ZCCHC7: variants seen among roughly 807,000 people sequenced by gnomAD.
ZCCHC7 encodes the protein zinc finger CCHC-type containing 7, also known as zinc finger CCHC domain-containing protein 7.
ZCCHC7 carries 35 observed loss-of-function variants against 52.0 expected under a neutral mutation model. That is an observed-to-expected ratio of 0.67 (90% confidence interval 0.51 to 0.89). The LOEUF is 0.89. Among genes scored for constraint, ZCCHC7 ranks in the 40% least tolerant of loss-of-function variants. The pLI is 0.00. For missense variants in ZCCHC7, 574 were observed against 649.1 expected (o/e 0.88, Z 1.26); for synonymous variants, 217 against 221.5 (o/e 0.98, Z 0.18).
intron 2 of ZCCHC7, among the ~76,000 whole-genome samples, chr9:37,223,521 G>A (rs897054151): frequency 6.6e-5 from 10 of 152,080 alleles, no homozygotes; most frequent in African/African-American, 2.4e-4. Context: ...TTACTTAAAG[G>A]GTAGTTTCTC....
Position 37,172,482 on chromosome 9 carries a change from C to A in ZCCHC7, c.610+45540C>A, listed in dbSNP as rs561102543. Among the ~76,000 whole-genome samples, 26 of 152,272 alleles carry A rather than the reference C, an allele frequency of 1.7e-4. No homozygotes were observed. The South Asian group carries it at 5.4e-3, about 32-fold the overall frequency. Reference sequence around the variant, plus strand: ...GAGTGTGCAAAATAATATTTATGGACCATTCATAGATAAGTTATTTTTAAA... The same window carrying A: ...GAGTGTGCAAAATAATATTTATGGAACATTCATAGATAAGTTATTTTTAAA... On this transcript the variant is annotated intron_variant, in intron 2 of 8. Transcript: ENST00000336755.
At chr9:37,182,222 A>C (rs939083322) in intron 2 of ZCCHC7, among the ~76,000 whole-genome samples, 11 of 152,236 alleles carry the variant, frequency 7.2e-5, no homozygotes, top group African/African-American at 2.7e-4. Flanking sequence ...TACAGTTGTC[A>C]GTCTTGTCTT....
intron 1 of ZCCHC7, 85 bp downstream of exon 1, chr9:37,120,708 A>G (rs937620434): frequency 2.2e-5 from 8 of 370,508 alleles, no homozygotes; most frequent in Non-Finnish European, 4.8e-6. Context: ...CTGTGGAACT[A>G]GCGCGTGCCC....
intron 2 of ZCCHC7, among the ~76,000 whole-genome samples, chr9:37,232,545 T>A (rs1825457211): frequency 6.6e-6 from 1 of 152,150 alleles, no homozygotes. Context: ...ATAGGCCAAA[T>A]CCAACCAATC....
intron 2 of ZCCHC7, among the ~76,000 whole-genome samples, chr9:37,245,914 G>C (rs1017456402): frequency 6.6e-6 from 1 of 152,084 alleles, no homozygotes; most frequent in Non-Finnish European, 1.5e-5. Flanking sequence ...AAAGGTAATG[G>C]AGAATAGTGA....
intron 2 of ZCCHC7, among the ~76,000 whole-genome samples, chr9:37,140,033 A>C (rs953665227): frequency 6.6e-6 from 1 of 151,944 alleles, no homozygotes; most frequent in African/African-American, 2.4e-5. Context: ...CCAGGTGAGG[A>C]ATTCAGGATT....
At chr9:37,124,771 C>T (rs1371453677) in intron 1 of ZCCHC7, among the ~76,000 whole-genome samples, 1 of 152,152 alleles carries the variant, frequency 6.6e-6, no homozygotes. Flanking sequence ...ATTCCCAAAG[C>T]TGGGAGTTTT....
rs559767265 is a variant in ZCCHC7, at chr9:37,214,793, A to G, written c.611-87395A>G. Among the ~76,000 whole-genome samples the G allele has an allele frequency of 5.3e-5, 8 of 152,186 alleles. No homozygotes were observed. In the South Asian group the frequency reaches 1.0e-3, roughly 20 times the overall value. On this transcript the variant is annotated intron_variant, in intron 2 of 8. Coordinates refer to ENST00000336755, the MANE Select transcript of ZCCHC7 (RefSeq NM_032226.3). ...ACAAATTAAAGGTGGAAGAGATACT[A>G]TTCTTCCTCAGCATTGGTAATAATG... is the stretch of plus-strand genomic sequence containing the variant.
At chr9:37,238,281 CA>C (rs1825739127) in intron 2 of ZCCHC7, among the ~76,000 whole-genome samples, 1 of 152,118 alleles carries the variant, frequency 6.6e-6, no homozygotes, top group Non-Finnish European at 1.5e-5. Context: ...CCACCTCATG[CA>C]AAGAGAAATG....
intron 2 of ZCCHC7, among the ~76,000 whole-genome samples, chr9:37,147,672 A>G (rs535831146): frequency 3.4e-4 from 51 of 152,188 alleles, no homozygotes; most frequent in African/African-American, 1.2e-3. Context: ...TGTCAATCAT[A>G]TTAGGAATAA....
intron 2 of ZCCHC7, among the ~76,000 whole-genome samples, chr9:37,159,322 C>A (rs1468311332): frequency 6.6e-6 from 1 of 152,022 alleles, no homozygotes; most frequent in African/African-American, 2.4e-5. Flanking sequence ...TATGTGGTTA[C>A]CTAACATGGC....
intron 2 of ZCCHC7, among the ~76,000 whole-genome samples, chr9:37,252,202 T>A (rs149196755): frequency 0.017 from 2,540 of 152,270 alleles, 35 homozygotes; most frequent in Non-Finnish European, 0.024. Flanking sequence ...CCCTAGTATA[T>A]CCCAAGATGG....
chr9:37,279,597 G>T (rs1182569837), intron 2 of ZCCHC7, among the ~76,000 whole-genome samples: 1 of 151,986 alleles, frequency 6.6e-6, no homozygotes, highest in African/African-American at 2.4e-5. Context: ...AGTGGCTTAT[G>T]CCTGTAATCC....
chr9:37,326,659 A>T (rs1419236145), intron 5 of ZCCHC7, among the ~76,000 whole-genome samples: 1 of 150,748 alleles, frequency 6.6e-6, no homozygotes, highest in South Asian at 2.1e-4. Context: ...TGGCATTCAA[A>T]TGTTTCTTAA....
chr9:37,348,928 C>T (rs1821188315), intron 6 of ZCCHC7, among the ~76,000 whole-genome samples: 1 of 152,208 alleles, frequency 6.6e-6, no homozygotes, highest in Non-Finnish European at 1.5e-5. Flanking sequence ...TTAAGTTTTA[C>T]ACCTGCAGGG....
chr9:37,130,334 CTTTTTTTTTTTTTTTTTT>C (rs34589957), intron 2 of ZCCHC7, among the ~76,000 whole-genome samples: 7 of 63,098 alleles, frequency 1.1e-4, no homozygotes, highest in African/African-American at 1.2e-4. Context: ...GAATTCTCTC[CTTTTTTTTTTTTTTTTTT>C]TTTTTTTTTT....
intron 2 of ZCCHC7, among the ~76,000 whole-genome samples, chr9:37,268,815 G>T (rs1416969332): frequency 1.3e-5 from 2 of 152,176 alleles, no homozygotes; most frequent in African/African-American, 2.4e-5. Context: ...TCTGAATAGG[G>T]TGCCATCACC....
At chr9:37,144,353 G>T (rs1444310428) in intron 2 of ZCCHC7, among the ~76,000 whole-genome samples, 1 of 151,780 alleles carries the variant, frequency 6.6e-6, no homozygotes, top group Non-Finnish European at 1.5e-5. Flanking sequence ...TTTTGAAAAG[G>T]GATGAAAGGG....
At chr9:37,263,602 A>G (rs970602957) in intron 2 of ZCCHC7, among the ~76,000 whole-genome samples, 2 of 152,206 alleles carry the variant, frequency 1.3e-5, no homozygotes, top group Non-Finnish European at 2.9e-5. Flanking sequence ...ACTAGAAGAC[A>G]TCAGGCCTTT....
Sources: allele counts gnomAD v4.1 joint callset (sites outside exome capture counted in the v4.1 genomes callset), GRCh38; gene constraint gnomAD v4.1.1; transcripts MANE v1.5; gene names NCBI Gene and HGNC (gene_info 2026-07-23, HGNC 2026-07-21).